CHM: variants seen among roughly 807,000 people sequenced by gnomAD.
CHM encodes the protein rab proteins geranylgeranyltransferase component A 1.
Under a neutral mutation model 49.0 loss-of-function variants are expected in CHM, and 10 were observed. The observed-to-expected ratio is 0.20, with a 90% CI of 0.13 to 0.35. The LOEUF (loss-of-function observed/expected upper bound fraction) is 0.35, where lower values mean the gene tolerates loss of function less well. CHM is among the 10% of genes least tolerant of loss of function. The probability of loss-of-function intolerance (pLI) is 1.00; values close to 1 mark genes in which losing one functional copy is unlikely to be tolerated. For synonymous variants in CHM, 184 were observed against 167.5 expected, an observed-to-expected ratio of 1.10 and a Z score of -0.76; for missense variants, 455 against 478.4, an observed-to-expected ratio of 0.95 and a Z score of 0.46.
At chrX:85,958,646 T>G (rs1286066179) in intron 6 of CHM, among the ~76,000 whole-genome samples, 2 of 111,815 alleles carry the variant, frequency 1.8e-5, no homozygotes, top group Non-Finnish European at 3.8e-5. Flanking sequence ...TTTGGTTTTT[T>G]GTGTGCTGCT....
chrX:85,862,735 G>A lies in CHM; in HGVS notation c.*1895C>T, dbSNP rs181841051. The stretch of plus-strand genomic sequence containing the variant: ...TCTGGCTTGAACTATATCTGCAGTG[G>A]GTAGAAAGGTGAGGCAAGAGCTATA... On this transcript the variant is annotated 3_prime_UTR_variant, in exon 15 of 15. Transcript: ENST00000357749. The A allele has an allele frequency of 9.0e-6, 1 of 111,140 alleles. No individual in the cohort carries two copies. Among genetic ancestry groups the A allele is most frequent in the African/African-American group, 3.3e-5 (1 of 30,594 alleles). 9.2% of individuals were successfully genotyped at this position (111,140 alleles called of 1,213,427 possible).
At chrX:85,902,840 C>A (rs1926366144) in intron 9 of CHM, among the ~76,000 whole-genome samples, 1 of 111,575 alleles carries the variant, frequency 9.0e-6, no homozygotes, top group Non-Finnish European at 1.9e-5. Context: ...ACTGACAAAT[C>A]TTTTTCTTAC....
chrX:85,973,325 A>AAAAAAAG (rs1399499695), intron 4 of CHM, among the ~76,000 whole-genome samples: 5 of 103,375 alleles, frequency 4.8e-5, no homozygotes, highest in African/African-American at 1.4e-4. Flanking sequence ...AAAAAAAAAA[A>AAAAAAAG]AAAAAAGAAA....
chrX:85,900,663 T>C lies in CHM; in HGVS notation c.1396A>G (p.Thr466Ala). The C allele has an allele frequency of 2.5e-6, 3 of 1,180,378 alleles. No individual in the cohort carries two copies. The highest frequency in any genetic ancestry group is 3.5e-6 in the Non-Finnish European group (3 of 869,135). ...VLITDRSVLK[T>A]DSDQQISILT... Reference sequence around the variant, plus strand: ...GAATTTACCTGTTGATCTGAATCTGTTTTTAGGACAGATCTATCTGTAATC... The same window carrying C: ...GAATTTACCTGTTGATCTGAATCTGCTTTTAGGACAGATCTATCTGTAATC... The change falls in exon 11 of 15, where the codon ACA becomes GCA. Residue 466 changes from threonine to alanine, a missense_variant. By Grantham distance (58) the Thr-to-Ala change is moderately conservative. Transcript: ENST00000357749.
chrX:85,957,801 A>G, intron 7 of CHM, 54 bp downstream of exon 7: 1 of 1,179,767 alleles, frequency 8.5e-7, no homozygotes. Flanking sequence ...CAAGCATATT[A>G]AAATAGTAAG....
chrX:85,990,595 C>A (rs1312792194), intron 2 of CHM, among the ~76,000 whole-genome samples: 1 of 111,504 alleles, frequency 9.0e-6, no homozygotes, highest in Non-Finnish European at 1.9e-5. Flanking sequence ...AGTTATACAA[C>A]CCTCTCTTAA....
chrX:86,036,026 C>T (rs1001175940), intron 1 of CHM, among the ~76,000 whole-genome samples: 1 of 110,196 alleles, frequency 9.1e-6, no homozygotes, highest in Non-Finnish European at 1.9e-5. Flanking sequence ...ATCTCCTAAC[C>T]TCATGATCCG....
intron 1 of CHM, among the ~76,000 whole-genome samples, chrX:86,028,942 T>C (rs908877140): frequency 1.8e-5 from 2 of 111,693 alleles, no homozygotes; most frequent in African/African-American, 6.5e-5. Context: ...ATCTTCTGTA[T>C]ATAAAAAGCA....
chrX:86,038,739 C>T (rs1465255932), intron 1 of CHM, among the ~76,000 whole-genome samples: 1 of 111,668 alleles, frequency 9.0e-6, no homozygotes, highest in African/African-American at 3.3e-5. Context: ...CAGGTCATTC[C>T]GTTCACCTTC....
intron 8 of CHM, among the ~76,000 whole-genome samples, chrX:85,929,928 G>A (rs750729032): frequency 2.8e-5 from 3 of 106,628 alleles, no homozygotes; most frequent in Non-Finnish European, 5.8e-5. Flanking sequence ...ATGGTAAAAC[G>A]CTGTCTCTAC....
intron 5 of CHM, among the ~76,000 whole-genome samples, chrX:85,962,891 T>C (rs1930368239): frequency 8.9e-6 from 1 of 112,032 alleles, no homozygotes; most frequent in Admixed American, 9.5e-5. Context: ...AAGTTAGTTA[T>C]GTTCAGGAAC....
intron 12 of CHM, among the ~76,000 whole-genome samples, chrX:85,887,829 G>A (rs143971973): frequency 1.2e-4 from 13 of 111,366 alleles, no homozygotes; most frequent in Admixed American, 1.0e-3. Flanking sequence ...CTACAGATCC[G>A]TGGAACTCTG....
intron 12 of CHM, among the ~76,000 whole-genome samples, chrX:85,892,739 T>G (rs1193719950): frequency 9.0e-6 from 1 of 111,402 alleles, no homozygotes; most frequent in Non-Finnish European, 1.9e-5. Context: ...CTTAACCCTC[T>G]CTGCTGGCAT....
intron 4 of CHM, chrX:85,970,034 G>C (rs992564719): frequency 6.2e-5 from 7 of 113,385 alleles, no homozygotes; most frequent in African/African-American, 2.3e-4. Flanking sequence ...ACACAGTAAG[G>C]TGAGTATAGC....
chrX:85,866,226 A>G (rs1289647303), intron 14 of CHM, among the ~76,000 whole-genome samples: 1 of 112,085 alleles, frequency 8.9e-6, no homozygotes, highest in Non-Finnish European at 1.9e-5. Flanking sequence ...GGAACATGGT[A>G]CCCTACATCC....
At chrX:86,039,939 C>T (rs1386671208) in intron 1 of CHM, among the ~76,000 whole-genome samples, 1 of 111,873 alleles carries the variant, frequency 8.9e-6, no homozygotes, top group African/African-American at 3.2e-5. Flanking sequence ...CTCCCCTTCC[C>T]ACTAAGAGCC....
At chrX:85,972,378 G>A (rs1005669171) in intron 4 of CHM, among the ~76,000 whole-genome samples, 4 of 113,507 alleles carry the variant, frequency 3.5e-5, no homozygotes, top group African/African-American at 1.3e-4. Context: ...GCCCTTGGGC[G>A]GTTGATGGGA....
intron 12 of CHM, among the ~76,000 whole-genome samples, chrX:85,890,611 A>G (rs1472945820): frequency 1.8e-5 from 2 of 112,133 alleles, no homozygotes; most frequent in African/African-American, 6.5e-5. Flanking sequence ...CCACGTAAGA[A>G]GTGCCTTTTG....
intron 1 of CHM, among the ~76,000 whole-genome samples, chrX:86,036,203 A>G (rs1202919453): frequency 9.0e-6 from 1 of 111,243 alleles, no homozygotes; most frequent in Non-Finnish European, 1.9e-5. Context: ...TGGTTGGGGT[A>G]CAGCTTGGTT....
Sources: allele counts gnomAD v4.1 joint callset (sites outside exome capture counted in the v4.1 genomes callset), GRCh38; gene constraint gnomAD v4.1.1; transcripts MANE v1.5; gene names NCBI Gene and HGNC (gene_info 2026-07-23, HGNC 2026-07-21).